Variants in MICAL3 observed in about 807,000 individuals in gnomAD.
MICAL3 encodes the protein [F-actin]-monooxygenase MICAL3.
Under a neutral mutation model 207.4 loss-of-function variants are expected in MICAL3, and 62 were observed. The ratio of observed to expected loss-of-function variants is 0.30; its 90% CI spans 0.24 to 0.37. The LOEUF is 0.37. Ranked by LOEUF, MICAL3 falls within the 10% of genes least tolerant of loss-of-function variation. MICAL3 has a pLI of 1.00. For synonymous variants in MICAL3, 1,077 were observed against 1,069.3 expected (o/e 1.01, Z -0.14); for missense variants, 2,368 against 2,635.6 (o/e 0.90, Z 2.22).
At chr22:17,799,313 TG>T in intron 29 of MICAL3, among the ~76,000 whole-genome samples, 1 of 151,404 alleles carries the variant, frequency 6.6e-6, no homozygotes, top group Non-Finnish European at 1.5e-5. Context: ...ACCCGGGAGG[TG>T]GGGGTTGCAG....
At chr22:17,955,336 A>C (rs1233169200) in intron 1 of MICAL3, among the ~76,000 whole-genome samples, 3 of 152,160 alleles carry the variant, frequency 2.0e-5, no homozygotes, top group Non-Finnish European at 4.4e-5. Context: ...CCTCCACAAC[A>C]GGTGTGTGTC....
chr22:17,832,140 G>T, intron 20 of MICAL3, 33 bp from the exon 21 acceptor site: 1 of 1,550,640 alleles, frequency 6.4e-7, no homozygotes. Flanking sequence ...CCAGAGTGAG[G>T]GAATGAAGAA....
chr22:17,947,461 A>G (rs1342043931), intron 1 of MICAL3, among the ~76,000 whole-genome samples: 1 of 152,218 alleles, frequency 6.6e-6, no homozygotes, highest in Non-Finnish European at 1.5e-5. Flanking sequence ...AGATAGAATT[A>G]CCAACATGAA....
intron 19 of MICAL3, among the ~76,000 whole-genome samples, chr22:17,843,899 T>C (rs953142428): frequency 1.3e-5 from 2 of 151,430 alleles, no homozygotes; most frequent in South Asian, 2.1e-4. Flanking sequence ...CAGGCTGGAG[T>C]GCAGTGGCAC....
At chr22:17,862,769 G>C (rs1298092655) in intron 19 of MICAL3, 2 of 985,382 alleles carry the variant, frequency 2.0e-6, no homozygotes, top group East Asian at 2.3e-4. Context: ...CTGATTCTGA[G>C]CTGCCGGACT....
At chr22:18,008,184 A>G (rs1923523323) in intron 1 of MICAL3, among the ~76,000 whole-genome samples, 1 of 152,092 alleles carries the variant, frequency 6.6e-6, no homozygotes, top group African/African-American at 2.4e-5. Context: ...AGATTGCAGT[A>G]GCAGAGATCG....
At chr22:17,967,978 G>C (rs569031694) in intron 1 of MICAL3, among the ~76,000 whole-genome samples, 10 of 152,058 alleles carry the variant, frequency 6.6e-5, no homozygotes, top group African/African-American at 2.4e-4. Flanking sequence ...GGGAGGCGGA[G>C]GTTGCAGTGA....
chr22:17,798,685 T>A (rs904286322), intron 29 of MICAL3, among the ~76,000 whole-genome samples: 1 of 150,406 alleles, frequency 6.6e-6, no homozygotes, highest in Non-Finnish European at 1.5e-5. Context: ...TTTTTTTTTT[T>A]TTTTTTGAGA....
chr22:17,965,200 A>T (rs1602306465), intron 1 of MICAL3, among the ~76,000 whole-genome samples: 1 of 151,918 alleles, frequency 6.6e-6, no homozygotes, highest in East Asian at 1.9e-4. Context: ...AAAAAAAAAA[A>T]AAAGGAAGGG....
chr22:17,998,374 C>T (rs759183640), intron 1 of MICAL3, among the ~76,000 whole-genome samples: 6 of 152,072 alleles, frequency 3.9e-5, no homozygotes, highest in Admixed American at 1.3e-4. Context: ...CAACTTAAAG[C>T]AAATCATGTT....
chr22:17,858,197 G>A (rs1021657037), intron 19 of MICAL3, among the ~76,000 whole-genome samples: 2 of 152,142 alleles, frequency 1.3e-5, no homozygotes, highest in African/African-American at 4.8e-5. Context: ...CAAGGTAAGC[G>A]GTGAGGAGAC....
intron 24 of MICAL3, 104 bp from the exon 25 acceptor site, chr22:17,821,613 G>T: frequency 1.1e-6 from 1 of 874,576 alleles, no homozygotes; most frequent in Non-Finnish European, 1.8e-6. Context: ...GGTAGAGGGC[G>T]AGTCGCTGAG....
intron 19 of MICAL3, among the ~76,000 whole-genome samples, chr22:17,852,170 T>TA (rs1413039666): frequency 6.6e-6 from 1 of 152,152 alleles, no homozygotes; most frequent in Non-Finnish European, 1.5e-5. Context: ...AGGCTTCTCT[T>TA]AAATAGGTTC....
chr22:17,818,284 C>A lies in MICAL3; in HGVS notation c.4377G>T (p.Pro1459=). The A allele has an allele frequency of 4.1e-6, 1 of 245,936 alleles. No homozygotes were observed. The highest frequency in any genetic ancestry group is 5.1e-5 in the South Asian group (1 of 19,746). 15.2% of individuals were successfully genotyped at this position (245,936 alleles called of 1,614,324 possible). Residue 1459 remains proline, a synonymous_variant, in exon 26 of 32, where the codon CCG becomes CCT. Transcript: ENST00000441493. ...DSAMLTPPSS[P]PPPPPPGEEP... is the part of the protein sequence containing the mutation. ...CCTCGCCCGGGGGTGGCGGTGGGGG[C>A]GGGCTGGAGGGGGGCGTGAGCATGG...
intron 1 of MICAL3, among the ~76,000 whole-genome samples, chr22:17,909,244 C>T (rs1331346779): frequency 6.6e-6 from 1 of 152,196 alleles, no homozygotes; most frequent in Non-Finnish European, 1.5e-5. Context: ...ATACTGCTGG[C>T]CCAGTGTGGT....
chr22:17,967,486 A>ACACACCCACACACC lies in MICAL3; in HGVS notation c.-75+56794_-75+56795insGGTGTGTGGGTGTG, dbSNP rs1556491355. On this transcript the variant is annotated intron_variant, in intron 1 of 31. Transcript: ENST00000441493. Reference sequence around the variant, plus strand: ...CAAACACACACACACACACACACACACACACACCCACACACACCCACTCAT... The same window carrying ACACACCCACACACC: ...CAAACACACACACACACACACACACACACACCCACACACCCACACACCCACACACACCCACTCAT... 2.7e-5 allele frequency among the ~76,000 whole-genome samples: 4 copies of ACACACCCACACACC among 145,708 alleles called. No individual in the cohort carries two copies. The South Asian group carries it at 8.6e-4, about 31-fold the overall frequency.
rs1928175343 is a variant in MICAL3, at chr22:17,875,293, A to G, written c.2242-3270T>C. The G allele has an allele frequency of 1.3e-5, 6 of 462,528 alleles. No homozygotes were observed. The South Asian group carries it at 1.9e-4, about 15-fold the overall frequency. 28.7% of individuals were successfully genotyped at this position (462,528 alleles called of 1,614,324 possible). On this transcript the variant is annotated intron_variant, in intron 16 of 31. Transcript: ENST00000441493. ...GCCACAGACCTCACACACGAGACCG[A>G]CACAGGCAAACAGCAACACATGCAG...
chr22:17,992,241 G>A (rs1011597013), intron 1 of MICAL3, among the ~76,000 whole-genome samples: 1 of 152,208 alleles, frequency 6.6e-6, no homozygotes. Context: ...CAGCCAAAGT[G>A]CAGGGCTGGT....
chr22:17,797,958 G>A (rs2061894713), intron 29 of MICAL3, among the ~76,000 whole-genome samples: 1 of 152,208 alleles, frequency 6.6e-6, no homozygotes, highest in South Asian at 2.1e-4. Context: ...GCTCCCCCTG[G>A]TTGGACAAAG....
Sources: allele counts gnomAD v4.1 joint callset (sites outside exome capture counted in the v4.1 genomes callset), GRCh38; gene constraint gnomAD v4.1.1; transcripts MANE v1.5; gene names NCBI Gene and HGNC (gene_info 2026-07-23, HGNC 2026-07-21).